Variants in TBXAS1 observed in about 807,000 individuals in gnomAD.
TBXAS1 encodes the protein thromboxane-A synthase.
In TBXAS1, 48 loss-of-function variants were observed where a neutral mutation model predicts 60.7. The observed-to-expected ratio is 0.79, with a 90% CI of 0.63 to 1.01. TBXAS1 has a LOEUF of 1.01. Ranked by LOEUF, TBXAS1 falls within the 50% of genes least tolerant of loss-of-function variation. TBXAS1 has a pLI of 0.00. For synonymous variants in TBXAS1, 287 were observed against 269.7 expected (o/e 1.06, Z -0.63); for missense variants, 685 against 686.3 (o/e 1.00, Z 0.02).
intron 1 of TBXAS1, among the ~76,000 whole-genome samples, chr7:139,840,741 C>G (rs68067734): frequency 0.034 from 5,193 of 152,244 alleles, 163 homozygotes; most frequent in African/African-American, 0.085. Flanking sequence ...AATATGGAGT[C>G]TAGCGAACAG....
chr7:139,918,119 C>T (rs17161244), intron 4 of TBXAS1, among the ~76,000 whole-genome samples: 2,436 of 152,292 alleles, frequency 0.016, 40 homozygotes, highest in Middle Eastern at 0.048. Flanking sequence ...TTCCCATTTT[C>T]CCTCTTCTAA....
intron 5 of TBXAS1, among the ~76,000 whole-genome samples, chr7:139,953,136 T>C (rs1809545894): frequency 6.6e-6 from 1 of 152,260 alleles, no homozygotes; most frequent in Admixed American, 6.5e-5. Context: ...TTCTTCTTTT[T>C]TGCTTCCAAA....
chr7:139,791,803 GTT>G, intron 4 of TBXAS1, among the ~76,000 whole-genome samples: 1 of 76,046 alleles, frequency 1.3e-5, no homozygotes, highest in South Asian at 6.1e-4. Flanking sequence ...TCTTTGGAAT[GTT>G]TTGTTTTTTT....
Position 139,975,660 on chromosome 7 carries a change from G to A in TBXAS1, c.1134+13427G>A, listed in dbSNP as rs1222787494. Among the ~76,000 whole-genome samples the A allele has an allele frequency of 6.6e-6, 1 of 152,172 alleles. No individual in the cohort carries two copies. The highest frequency in any genetic ancestry group is 2.4e-5 in the African/African-American group (1 of 41,438). ...GCATCTTCATTGGTTCACCTTTGCA[G>A]GTATCATCTGTGACCTGTCATCCAG... On this transcript the variant is annotated intron_variant, in intron 9 of 12. Transcript: ENST00000448866. The surrounding 1 kb of genome is among the most constrained non-coding windows in gnomAD (Gnocchi z 4.4).
chr7:139,926,194 C>T (rs1806865489), intron 4 of TBXAS1, among the ~76,000 whole-genome samples: 2 of 152,066 alleles, frequency 1.3e-5, no homozygotes, highest in African/African-American at 4.8e-5. Flanking sequence ...CCCTTCTCCT[C>T]TCTTTTTTGG....
At chr7:139,944,174 T>C (rs1169401420) in intron 5 of TBXAS1, among the ~76,000 whole-genome samples, 1 of 152,198 alleles carries the variant, frequency 6.6e-6, no homozygotes, top group East Asian at 1.9e-4. Flanking sequence ...GAAGCCACTT[T>C]GGCAGGGAGG....
At chr7:139,820,286 C>T (rs543653083) in intron 4 of TBXAS1, among the ~76,000 whole-genome samples, 4 of 152,234 alleles carry the variant, frequency 2.6e-5, no homozygotes, top group African/African-American at 9.6e-5. Context: ...GACAACATCT[C>T]AGGAAGTGCT....
chr7:139,908,089 T>C (rs1220082135), intron 3 of TBXAS1, among the ~76,000 whole-genome samples: 2 of 152,144 alleles, frequency 1.3e-5, no homozygotes, highest in East Asian at 3.9e-4. Context: ...TTTATTGATA[T>C]TTTCCAAAGA....
intron 10 of TBXAS1, among the ~76,000 whole-genome samples, chr7:140,009,480 G>A (rs989054682): frequency 6.6e-6 from 1 of 152,106 alleles, no homozygotes; most frequent in Non-Finnish European, 1.5e-5. Flanking sequence ...ATGTGTGCAG[G>A]GAGGAGCGCC....
chr7:139,953,306 C>T (rs1319228509), intron 5 of TBXAS1, 62 bp from the exon 6 acceptor site: 22 of 1,394,934 alleles, frequency 1.6e-5, no homozygotes, highest in Non-Finnish European at 2.2e-5. Context: ...TCTTCATCTG[C>T]AGCCAATTTA....
intron 9 of TBXAS1, among the ~76,000 whole-genome samples, chr7:139,970,194 T>C (rs1811091049): frequency 6.6e-6 from 1 of 152,194 alleles, no homozygotes; most frequent in Admixed American, 6.5e-5. Flanking sequence ...GCAGCCTCCA[T>C]CTCCCAGGAT....
chr7:139,906,018 G>T, intron 3 of TBXAS1: 1 of 234,094 alleles, frequency 4.3e-6, no homozygotes, highest in Non-Finnish European at 8.8e-6. Flanking sequence ...TTCATTTTTT[G>T]CATAAGGTAT....
intron 5 of TBXAS1, among the ~76,000 whole-genome samples, chr7:139,944,222 T>A (rs1808513728): frequency 1.3e-5 from 2 of 152,142 alleles, no homozygotes; most frequent in Non-Finnish European, 2.9e-5. Flanking sequence ...TCTGAAGATT[T>A]TGCTGTTTTG....
At position 140,013,630 on chromosome 7, in the gene TBXAS1, C is replaced by G. The variant is rs369970497; in HGVS notation, c.1227-2093C>G. ...ACTGGCAGGCCTCACGGAGGAGACCCAAGCTGGGGGACTGGAAGGTGGTTC... is the reference window on the plus strand; with the variant it reads ...ACTGGCAGGCCTCACGGAGGAGACCGAAGCTGGGGGACTGGAAGGTGGTTC... On this transcript the variant is annotated intron_variant, in intron 10 of 12. Coordinates refer to ENST00000448866, the MANE Select transcript of TBXAS1 (RefSeq NM_001061.7). This position sits in a 1 kb window ranked among gnomAD's most constrained non-coding sequence, Gnocchi z 4.2. Among the ~76,000 whole-genome samples, 3 of 152,306 alleles carry G rather than the reference C, an allele frequency of 2.0e-5. No individual in the cohort carries two copies. Among genetic ancestry groups the G allele is most frequent in the African/African-American group, 7.2e-5 (3 of 41,570 alleles).
intron 9 of TBXAS1, among the ~76,000 whole-genome samples, chr7:139,990,204 C>G (rs546686404): frequency 2.0e-5 from 3 of 152,366 alleles, no homozygotes; most frequent in Non-Finnish European, 4.4e-5. Flanking sequence ...CTCCCTGCCC[C>G]TCACTCAGGG....
chr7:139,832,254 T>C (rs1798754730), intron 1 of TBXAS1, among the ~76,000 whole-genome samples: 1 of 152,030 alleles, frequency 6.6e-6, no homozygotes, highest in African/African-American at 2.4e-5. Context: ...ATGAAATAGA[T>C]AGCTTAAAGA....
At chr7:139,918,977 C>T (rs118098963) in intron 4 of TBXAS1, among the ~76,000 whole-genome samples, 1,603 of 151,794 alleles carry the variant, frequency 0.011, 14 homozygotes, top group South Asian at 0.025. Flanking sequence ...TTTTTTTTTA[C>T]ATTTTAATTT....
At chr7:139,905,005 C>CTTTCTTTCTTTCTT (rs1285874660) in intron 3 of TBXAS1, among the ~76,000 whole-genome samples, 8 of 90,418 alleles carry the variant, frequency 8.8e-5, no homozygotes, top group Non-Finnish European at 1.3e-4. Context: ...CTCTCTTTCT[C>CTTTCTTTCTTTCTT]TCTTTCTTTC....
intron 4 of TBXAS1, among the ~76,000 whole-genome samples, chr7:139,928,745 T>C (rs1175441602): frequency 1.3e-5 from 2 of 152,254 alleles, no homozygotes; most frequent in East Asian, 3.8e-4. Context: ...CAAAATGTTT[T>C]GTTTCCCACA....
Sources: allele counts gnomAD v4.1 joint callset (sites outside exome capture counted in the v4.1 genomes callset), GRCh38; gene constraint gnomAD v4.1.1; non-coding constraint Gnocchi (gnomAD v3.1); transcripts MANE v1.5; gene names NCBI Gene and HGNC (gene_info 2026-07-23, HGNC 2026-07-21).